The following UGT2B28 variants were observed in gnomAD, a reference collection of about 807,000 sequenced individuals.
UGT2B28 encodes the protein UDP glucuronosyltransferase family 2 member B28.
In UGT2B28, 45 loss-of-function variants were observed where a neutral mutation model predicts 43.6. The observed-to-expected ratio is 1.03, with a 90% confidence interval of 0.81 to 1.32. The LOEUF is 1.32. UGT2B28 is among the 40% of genes most tolerant of loss of function. The pLI, the probability that UGT2B28 is intolerant of heterozygous loss-of-function variation, is 0.00. For missense variants in UGT2B28, 649 were observed against 625.5 expected, an observed-to-expected ratio of 1.04 and a Z score of -0.40; for synonymous variants, 204 against 208.1, an observed-to-expected ratio of 0.98 and a Z score of 0.17.
intron 3 of UGT2B28, among the ~76,000 whole-genome samples, chr4:69,288,841 C>A (rs568113523): frequency 7.1e-6 from 1 of 140,592 alleles, no homozygotes; most frequent in East Asian, 2.0e-4. Flanking sequence ...GAGGACATGT[C>A]ACATTTGGAT....
chr4:69,287,709 A>T (rs1361429504), intron 3 of UGT2B28, among the ~76,000 whole-genome samples: 2 of 139,986 alleles, frequency 1.4e-5, no homozygotes, highest in African/African-American at 5.6e-5. Flanking sequence ...GGAGTCAAAC[A>T]GAAGGAAGCC....
Position 69,290,632 on chromosome 4 carries a change from C to A in UGT2B28, c.1131C>A (p.Ala377=), listed in dbSNP as rs780856203. The A allele has an allele frequency of 2.6e-6, 4 of 1,559,246 alleles. No homozygotes were observed. Among genetic ancestry groups the A allele is most frequent in the East Asian group, 4.6e-5 (2 of 43,536 alleles). The part of the protein sequence containing the change: ...KTRAFITHGG[A]NGIYEAIYHG... Reference sequence around the variant, plus strand: ...GAGCTTTTATAACTCATGGTGGAGCCAATGGCATCTATGAGGCAATCTACC... The same window carrying A: ...GAGCTTTTATAACTCATGGTGGAGCAAATGGCATCTATGAGGCAATCTACC... The change falls in exon 5 of 6, where the codon GCC becomes GCA. Residue 377 remains alanine, a synonymous_variant. Coordinates refer to ENST00000335568, the MANE Select transcript of UGT2B28 (RefSeq NM_053039.2).
rs1357552164 is a variant in UGT2B28 at position 69,288,712 on chromosome 4, T to C, written c.1003-953T>C. On this transcript the variant is annotated intron_variant, in intron 3 of 5. Coordinates refer to ENST00000335568, the MANE Select transcript of UGT2B28 (RefSeq NM_053039.2). ...ACCCAGGTATTAAGACTAATATTCG[T>C]TTATTATTTTTCCTGATCCTCTCTT... is the stretch of plus-strand genomic sequence containing the variant. Among the ~76,000 whole-genome samples the C allele has an allele frequency of 1.1e-4, 16 of 139,140 alleles. 2 individuals carry two copies. The highest frequency in any genetic ancestry group is 5.8e-4 in the Admixed American group (8 of 13,814). The allele number at this position is 139,140 out of a possible 152,430, so 91.3% of individuals were successfully genotyped here. A position where few individuals can be genotyped will look rare whatever the true frequency, so the allele number is the denominator to read the frequency against.
At chr4:69,291,500 C>T (rs1451376590) in intron 5 of UGT2B28, among the ~76,000 whole-genome samples, 1 of 140,820 alleles carries the variant, frequency 7.1e-6, no homozygotes, top group African/African-American at 2.8e-5. Flanking sequence ...GTGTAAATGA[C>T]ATTTCACCTA....
chr4:69,289,575 T>A, intron 3 of UGT2B28, 90 bp from the exon 4 acceptor site: 1 of 1,191,358 alleles, frequency 8.4e-7, no homozygotes, highest in Non-Finnish European at 1.1e-6. Flanking sequence ...CTAACATCCC[T>A]TGATCTCATT....
intron 2 of UGT2B28, among the ~76,000 whole-genome samples, chr4:69,284,369 C>A (rs954638878): frequency 8.6e-5 from 12 of 140,274 alleles, no homozygotes; most frequent in Non-Finnish European, 1.4e-4. Flanking sequence ...CAAAGTAAGC[C>A]TTCTTCAATG....
intron 4 of UGT2B28, among the ~76,000 whole-genome samples, chr4:69,289,968 C>T (rs1181133718): frequency 7.1e-6 from 1 of 140,516 alleles, no homozygotes; most frequent in Non-Finnish European, 1.5e-5. Flanking sequence ...CAGAGATAAT[C>T]TTTATTTCAG....
At chr4:69,285,024 A>G (rs1320615466) in intron 2 of UGT2B28, among the ~76,000 whole-genome samples, 1 of 140,140 alleles carries the variant, frequency 7.1e-6, no homozygotes, top group African/African-American at 2.8e-5. Flanking sequence ...ATTAAAATTT[A>G]TTTGCATACG....
At chr4:69,284,977 A>G (rs1289136942) in intron 2 of UGT2B28, among the ~76,000 whole-genome samples, 1 of 140,380 alleles carries the variant, frequency 7.1e-6, no homozygotes, top group East Asian at 2.0e-4. Context: ...CACAAAATTA[A>G]CATTAGAATT....
rs761600799 is a variant in UGT2B28, at chr4:69,295,024, G to T, written c.*215G>T. 1.5e-4 allele frequency: 75 copies of T among 513,210 alleles called. No homozygotes were observed. Among genetic ancestry groups the T allele is most frequent in the Non-Finnish European group, 2.1e-4 (72 of 350,566 alleles). 31.8% of individuals were successfully genotyped at this position (513,210 alleles called of 1,614,324 possible). On this transcript the variant is annotated 3_prime_UTR_variant, in exon 6 of 6. Transcript: ENST00000335568. ...TTCTGTGGCAATGAAGAAAACACTAGGGAAAATAAAAAATAATATAAAGCC... is the reference window on the plus strand; with the variant it reads ...TTCTGTGGCAATGAAGAAAACACTATGGAAAATAAAAAATAATATAAAGCC...
At chr4:69,281,671 C>T (rs1189657629) in intron 1 of UGT2B28, among the ~76,000 whole-genome samples, 1 of 139,946 alleles carries the variant, frequency 7.1e-6, no homozygotes, top group East Asian at 2.0e-4. Context: ...AAGATATTCC[C>T]ATGTTTCCAG....
At chr4:69,286,586 A>G (rs1723781434) in intron 2 of UGT2B28, among the ~76,000 whole-genome samples, 166 bp from the exon 3 acceptor site, 1 of 140,288 alleles carries the variant, frequency 7.1e-6, no homozygotes, top group Non-Finnish European at 1.5e-5. Context: ...ACTACCTCAA[A>G]CATCTTCTTG....
rs1465551560 is a variant in UGT2B28, at chr4:69,287,781, A to G, written c.1002+898A>G. ...ACATAGTAGGAATGTATTTTCTTCT[A>G]TATAGAATAAACCAGGGACCTTTGT... On this transcript the variant is annotated intron_variant, in intron 3 of 5. Coordinates refer to ENST00000335568, the MANE Select transcript of UGT2B28 (RefSeq NM_053039.2). 7.1e-5 allele frequency among the ~76,000 whole-genome samples: 10 copies of G among 140,652 alleles called. 2 individuals carry two copies. The East Asian group carries it at 1.6e-3, about 23-fold the overall frequency. 92.3% of individuals were successfully genotyped at this position (140,652 alleles called of 152,430 possible).
chr4:69,293,490 A>T (rs1405174129), intron 5 of UGT2B28, among the ~76,000 whole-genome samples: 1 of 140,490 alleles, frequency 7.1e-6, no homozygotes, highest in Non-Finnish European at 1.5e-5. Flanking sequence ...GATAGAAAAT[A>T]AGCACAGAAA....
In UGT2B28 at chr4:69,281,723, A is replaced by G. The variant is rs138618804; in HGVS notation, c.721+502A>G. Among the ~76,000 whole-genome samples the G allele has an allele frequency of 6.6e-4, 93 of 140,546 alleles. 10 individuals carry two copies. In the East Asian group the frequency reaches 0.017, roughly 25 times the overall value. 92.2% of individuals were successfully genotyped at this position (140,546 alleles called of 152,430 possible). ...TAGAGAGAGATAATGTCCACATCTCAGATGCAAAAGTTAATCAGGGTAATT... is the reference window on the plus strand; with the variant it reads ...TAGAGAGAGATAATGTCCACATCTCGGATGCAAAAGTTAATCAGGGTAATT... On this transcript the variant is annotated intron_variant, in intron 1 of 5. Transcript: ENST00000335568.
In UGT2B28 at chr4:69,280,888, G is replaced by A; in HGVS notation, c.388G>A (p.Val130Ile). The A allele has an allele frequency of 1.9e-6, 3 of 1,557,844 alleles. No individual in the cohort carries two copies. Among genetic ancestry groups the A allele is most frequent in the Admixed American group, 1.8e-5 (1 of 55,516 alleles). ...HDIFRNFCKD[V>I]VSNKKVMKKL... The stretch of plus-strand genomic sequence containing the variant: ...CATATTTAGAAACTTCTGTAAAGAT[G>A]TAGTTTCAAATAAGAAAGTTATGAA... Residue 130 changes from valine (V) to isoleucine (I), a missense_variant, in exon 1 of 6, where the codon GTA (valine) becomes ATA (isoleucine). Physicochemically the swap from Val to Ile is conservative, Grantham distance 29. Transcript: ENST00000335568.
intron 3 of UGT2B28, 114 bp downstream of exon 3, chr4:69,286,997 T>C (rs896147963): frequency 6.9e-7 from 1 of 1,443,960 alleles, no homozygotes; most frequent in African/African-American, 1.6e-5. Context: ...CCAAATACAG[T>C]CTTAAATATC....
chr4:69,280,737 A>T lies in UGT2B28; in HGVS notation c.237A>T (p.Thr79=). 6.4e-7 allele frequency: 1 copy of T among 1,561,920 alleles called. No individual in the cohort carries two copies. The highest frequency in any genetic ancestry group is 8.6e-7 in the Non-Finnish European group (1 of 1,156,256). The change falls in exon 1 of 6, where the codon ACA becomes ACT. Residue 79 remains threonine (T), a synonymous_variant. Coordinates refer to ENST00000335568, the MANE Select transcript of UGT2B28 (RefSeq NM_053039.2). ...AFTLKLEVYP[T]SLTKTEFENI... ...CTCTTAAACTCGAAGTTTATCCTAC[A>T]TCTTTAACTAAAACTGAATTTGAGA...
chr4:69,289,787 G>C (rs1309003190), intron 4 of UGT2B28, 35 bp downstream of exon 4: 1 of 1,456,656 alleles, frequency 6.9e-7, no homozygotes, highest in Non-Finnish European at 9.3e-7. Flanking sequence ...GGATATATTA[G>C]TAACTGCACA....
Sources: allele counts gnomAD v4.1 joint callset (sites outside exome capture counted in the v4.1 genomes callset), GRCh38; gene constraint gnomAD v4.1.1; transcripts MANE v1.5; gene names NCBI Gene and HGNC (gene_info 2026-07-23, HGNC 2026-07-21).